DCAF13: variants seen among roughly 807,000 people sequenced by gnomAD.
The protein encoded by DCAF13 is DDB1 and CUL4 associated factor 13, also known as DDB1- and CUL4-associated factor 13.
In DCAF13, 38 loss-of-function variants were observed where a neutral mutation model predicts 59.0. That is an observed-to-expected ratio of 0.64 (90% CI 0.50 to 0.84). DCAF13 has a LOEUF of 0.84. Ranked by LOEUF, DCAF13 falls within the 40% of genes least tolerant of loss-of-function variation. The probability of loss-of-function intolerance (pLI) is 0.00; values close to 1 mark genes in which losing one functional copy is unlikely to be tolerated. For missense variants in DCAF13, 469 were observed against 558.4 expected, an observed-to-expected ratio of 0.84 and a Z score of 1.61; for synonymous variants, 173 against 175.0, an observed-to-expected ratio of 0.99 and a Z score of 0.09.
rs752635374 is a variant in DCAF13, at chr8:103,415,410, G to T, written c.-37G>T. The T allele has an allele frequency of 1.2e-6, 2 of 1,614,072 alleles. No homozygotes were observed. The highest frequency in any genetic ancestry group is 1.7e-5 in the Admixed American group (1 of 60,028). The stretch of plus-strand genomic sequence containing the variant: ...GGTGGCGGTGGGCGGAACTCCTAGC[G>T]GACACCTCGTGGAGTCCGGCCGGAA... On this transcript the variant is annotated 5_prime_UTR_variant, in exon 1 of 11. Coordinates refer to ENST00000612750, the MANE Select transcript of DCAF13 (RefSeq NM_015420.7).
chr8:103,434,501 A>T (rs1816907907), intron 7 of DCAF13, among the ~76,000 whole-genome samples: 2 of 152,124 alleles, frequency 1.3e-5, no homozygotes, highest in Admixed American at 6.6e-5. Context: ...AGCAGTTGTC[A>T]ATGTCTTACT....
intron 3 of DCAF13, among the ~76,000 whole-genome samples, chr8:103,424,023 AT>A (rs879520355): frequency 1.1e-3 from 161 of 143,298 alleles, no homozygotes; most frequent in Middle Eastern, 3.6e-3. Context: ...TTTCAAAAAG[AT>A]TTTTTTTTTT....
intron 3 of DCAF13, 80 bp from the exon 4 acceptor site, chr8:103,425,976 A>G (rs2130482633): frequency 1.1e-6 from 1 of 922,106 alleles, no homozygotes; most frequent in Non-Finnish European, 1.8e-6. Flanking sequence ...TAAACAAGAT[A>G]CTTATTTGAT....
intron 7 of DCAF13, among the ~76,000 whole-genome samples, chr8:103,434,426 A>G (rs746697781): frequency 1.8e-4 from 27 of 152,088 alleles, no homozygotes; most frequent in Non-Finnish European, 7.4e-5. Flanking sequence ...CATCTTACTA[A>G]AAAGCAGTTT....
intron 3 of DCAF13, among the ~76,000 whole-genome samples, chr8:103,423,251 G>C (rs542552323): frequency 2.0e-5 from 3 of 151,838 alleles, no homozygotes; most frequent in Non-Finnish European, 4.4e-5. Flanking sequence ...ATGAATAAAG[G>C]CTCATTTGCA....
chr8:103,420,401 A>C lies in DCAF13; in HGVS notation c.208A>C (p.Asn70His). The C allele has an allele frequency of 1.2e-6, 2 of 1,614,170 alleles. No homozygotes were observed. The highest frequency in any genetic ancestry group is 1.7e-5 in the Admixed American group (1 of 60,024). Residue 70 changes from asparagine (N) to histidine (H), a missense_variant, in exon 2 of 11, where the codon AAT (asparagine) becomes CAT (histidine). Physicochemically the swap from Asn to His is moderately conservative, Grantham distance 68 (BLOSUM62 1). Coordinates refer to ENST00000612750, the MANE Select transcript of DCAF13 (RefSeq NM_015420.7). ...GCTGGATGGTCACCGTGATGGAGTCAATTGCTTGGCAAAGCATCCAGAGAA... is the reference window on the plus strand; with the variant it reads ...GCTGGATGGTCACCGTGATGGAGTCCATTGCTTGGCAAAGCATCCAGAGAA... ...ASLDGHRDGVNCLAKHPEKLA... is the reference protein window; with the variant it reads ...ASLDGHRDGVHCLAKHPEKLA...
chr8:103,438,729 T>G (rs1381536007), intron 8 of DCAF13, among the ~76,000 whole-genome samples: 1 of 152,202 alleles, frequency 6.6e-6, no homozygotes, highest in Non-Finnish European at 1.5e-5. Context: ...TATGAATATT[T>G]GATTTAGTCA....
chr8:103,434,744 T>C (rs1816911408), intron 7 of DCAF13, among the ~76,000 whole-genome samples: 1 of 152,130 alleles, frequency 6.6e-6, no homozygotes, highest in Non-Finnish European at 1.5e-5. Flanking sequence ...ATTGTTCATG[T>C]TGGTTCATTT....
chr8:103,440,855 G>C (rs576574354), intron 9 of DCAF13: 1 of 152,338 alleles, frequency 6.6e-6, no homozygotes, highest in Non-Finnish European at 1.5e-5. Context: ...AAGAAACAGA[G>C]TGTTTATATT....
At chr8:103,421,253 GC>G (rs1563502245) in intron 3 of DCAF13, 171 bp downstream of exon 3, 1 of 682,080 alleles carries the variant, frequency 1.5e-6, no homozygotes, top group Non-Finnish European at 2.7e-6. Flanking sequence ...ATATAATTCA[GC>G]CTTCCCCATA....
intron 3 of DCAF13, among the ~76,000 whole-genome samples, chr8:103,423,327 T>A (rs571345928): frequency 6.4e-4 from 96 of 149,698 alleles, no homozygotes; most frequent in African/African-American, 1.6e-3. Flanking sequence ...GAATGAATTT[T>A]AAAAAAAAAA....
intron 1 of DCAF13, among the ~76,000 whole-genome samples, chr8:103,417,518 T>C (rs528390536): frequency 6.6e-6 from 1 of 151,638 alleles, no homozygotes; most frequent in East Asian, 2.0e-4. Context: ...GCTGGGTGCC[T>C]GTAGTCACAG....
At chr8:103,436,058 A>G (rs1447554047) in intron 8 of DCAF13, among the ~76,000 whole-genome samples, 1 of 152,204 alleles carries the variant, frequency 6.6e-6, no homozygotes, top group Non-Finnish European at 1.5e-5. Flanking sequence ...TTATGTAAAC[A>G]TATATAAACA....
intron 5 of DCAF13, chr8:103,429,276 G>C (rs1267830136): frequency 1.3e-5 from 2 of 152,192 alleles, no homozygotes; most frequent in African/African-American, 2.4e-5. Context: ...CACTAGGGAA[G>C]TCTCAGAAAA....
chr8:103,437,153 T>TG (rs955082324), intron 8 of DCAF13, among the ~76,000 whole-genome samples: 1 of 152,186 alleles, frequency 6.6e-6, no homozygotes, highest in Non-Finnish European at 1.5e-5. Context: ...GTTGCTGCCT[T>TG]GATATTCTCC....
In DCAF13 at chr8:103,426,162, A is replaced by G; in HGVS notation, c.468+17A>G. On this transcript the variant is annotated intron_variant, in intron 4 of 10. Transcript: ENST00000612750. ...TTAGGAAAGGTACAAAAGTAAATTG[A>G]CTAATAGCTTGCCTATTAACATTCT... 6.9e-7 allele frequency: 1 copy of G among 1,445,972 alleles called. No individual in the cohort carries two copies. Among genetic ancestry groups the G allele is most frequent in the Non-Finnish European group, 9.6e-7 (1 of 1,040,098 alleles). 89.6% of individuals were successfully genotyped at this position (1,445,972 alleles called of 1,614,324 possible).
At chr8:103,423,404 A>C (rs1160303503) in intron 3 of DCAF13, among the ~76,000 whole-genome samples, 1 of 152,218 alleles carries the variant, frequency 6.6e-6, no homozygotes, top group Non-Finnish European at 1.5e-5. Flanking sequence ...TGTCACTTGC[A>C]GCATACATGA....
intron 7 of DCAF13, among the ~76,000 whole-genome samples, chr8:103,433,242 A>G (rs1353079560): frequency 6.6e-6 from 1 of 152,148 alleles, no homozygotes; most frequent in African/African-American, 2.4e-5. Context: ...CAATGTTTGT[A>G]TTGCGGTGAG....
chr8:103,417,451 C>G (rs1287321391), intron 1 of DCAF13, among the ~76,000 whole-genome samples: 2 of 151,586 alleles, frequency 1.3e-5, no homozygotes, highest in African/African-American at 4.9e-5. Flanking sequence ...ACCATCCTGG[C>G]TAACACAGTG....
Sources: gnomAD v4.1 joint callset for allele counts (sites outside exome capture counted in the v4.1 genomes callset) on GRCh38, gnomAD v4.1.1 for gene constraint, MANE v1.5 for transcripts, NCBI Gene and HGNC (gene_info 2026-07-23, HGNC 2026-07-21) for gene names.